Variants in RPS6KA5 observed in about 807,000 individuals in gnomAD.
The protein encoded by RPS6KA5 is ribosomal protein S6 kinase alpha-5.
In RPS6KA5, 27 loss-of-function variants were observed where a neutral mutation model predicts 85.5. The ratio of observed to expected loss-of-function variants is 0.32; its 90% CI spans 0.23 to 0.44. The LOEUF is 0.44. RPS6KA5 is among the 20% of genes least tolerant of loss of function. RPS6KA5 has a pLI of 1.00. For missense variants in RPS6KA5, 811 were observed against 980.9 expected (o/e 0.83, Z 2.31); for synonymous variants, 334 against 348.2 (o/e 0.96, Z 0.46).
chr14:90,955,479 A>AT (rs1199583589), intron 3 of RPS6KA5, among the ~76,000 whole-genome samples: 6 of 151,918 alleles, frequency 3.9e-5, no homozygotes, highest in African/African-American at 7.3e-5. Context: ...GTCAAAAAGT[A>AT]TTTTTTTATT....
chr14:91,011,455 C>T (rs2041255282), intron 1 of RPS6KA5, among the ~76,000 whole-genome samples: 1 of 151,898 alleles, frequency 6.6e-6, no homozygotes, highest in Admixed American at 6.6e-5. Context: ...CACTGCACTC[C>T]AGCTTGAAGA....
chr14:90,952,833 A>G (rs1188246451), intron 3 of RPS6KA5, among the ~76,000 whole-genome samples: 1 of 152,222 alleles, frequency 6.6e-6, no homozygotes, highest in East Asian at 1.9e-4. Context: ...TTAAAGAAAC[A>G]AATTTTTGAA....
chr14:91,044,737 GGCA>G (rs759355315), intron 1 of RPS6KA5, among the ~76,000 whole-genome samples: 9 of 152,098 alleles, frequency 5.9e-5, no homozygotes, highest in Non-Finnish European at 8.8e-5. Context: ...CAGGTGTGGT[GGCA>G]GGCACCTGTA....
intron 2 of RPS6KA5, among the ~76,000 whole-genome samples, chr14:90,984,958 G>C (rs866705375): frequency 7.8e-6 from 1 of 128,974 alleles, no homozygotes; most frequent in Non-Finnish European, 1.7e-5. Context: ...TTTTTTTTTT[G>C]AGACGGAGTT....
At chr14:91,035,310 G>GA (rs1240113055) in intron 1 of RPS6KA5, among the ~76,000 whole-genome samples, 1 of 152,080 alleles carries the variant, frequency 6.6e-6, no homozygotes, top group East Asian at 1.9e-4. Context: ...ACCTGTCATA[G>GA]AAAAATAGAC....
intron 1 of RPS6KA5, among the ~76,000 whole-genome samples, chr14:91,044,757 G>A (rs2042799236): frequency 6.6e-6 from 1 of 151,736 alleles, no homozygotes; most frequent in South Asian, 2.1e-4. Context: ...TGTAATCCCA[G>A]CTACTCGGGA....
intron 16 of RPS6KA5, 43 bp from the exon 17 acceptor site, chr14:90,872,365 C>T: frequency 1.9e-6 from 3 of 1,558,206 alleles, no homozygotes; most frequent in Non-Finnish European, 2.6e-6. Flanking sequence ...GGTAAAAGTA[C>T]TGAAGCTTTC....
At position 90,902,964 on chromosome 14, in the gene RPS6KA5, T is replaced by A. The variant is rs753979562; in HGVS notation, c.963A>T (p.Ile321=). The A allele has an allele frequency of 1.2e-6, 2 of 1,610,370 alleles. No homozygotes were observed. The highest frequency in any genetic ancestry group is 2.2e-5 in the South Asian group (2 of 90,400). Residue 321 remains isoleucine (I), a synonymous_variant, in exon 9 of 17, where the codon ATA becomes ATT. Transcript: ENST00000614987. ...EIKEHLFFQK[I]NWDDLAAKKV... ...TTTTGGCGGCTAAATCATCCCAATT[T>A]ATTTTCTAAAACAAAGAAAGTTGGT...
intron 1 of RPS6KA5, among the ~76,000 whole-genome samples, chr14:91,011,235 C>A (rs1481383759): frequency 1.3e-5 from 2 of 152,110 alleles, no homozygotes; most frequent in South Asian, 2.1e-4. Context: ...TGCCTGTAAT[C>A]CAAGCACTTT....
intron 3 of RPS6KA5, among the ~76,000 whole-genome samples, chr14:90,972,032 A>T (rs1446066512): frequency 6.6e-6 from 1 of 152,230 alleles, no homozygotes; most frequent in Non-Finnish European, 1.5e-5. Flanking sequence ...GCAACAGATG[A>T]CAGAATATCT....
At chr14:90,949,806 T>C (rs369501234) in intron 3 of RPS6KA5, among the ~76,000 whole-genome samples, 1 of 152,232 alleles carries the variant, frequency 6.6e-6, no homozygotes, top group Non-Finnish European at 1.5e-5. Flanking sequence ...CAAAGTGCTT[T>C]ATTTTCCATT....
Position 90,956,668 on chromosome 14 carries a change from CT to C in RPS6KA5, c.395-9119del, listed in dbSNP as rs554895376. 3.6e-4 allele frequency among the ~76,000 whole-genome samples: 52 copies of C among 144,760 alleles called. No individual in the cohort carries two copies. In the East Asian group the frequency reaches 3.8e-3, roughly 10 times the overall value. 95.0% of individuals were successfully genotyped at this position (144,760 alleles called of 152,430 possible). On this transcript the variant is annotated intron_variant, in intron 3 of 16. Coordinates refer to ENST00000614987, the MANE Select transcript of RPS6KA5 (RefSeq NM_004755.4). ...ATTCCTTTAATACTTTCTCATTTTA[CT>C]TTTTTTTTTTACTTATTTTCTTAGT... is the stretch of plus-strand genomic sequence containing the variant.
chr14:90,984,255 C>G (rs2039965835), intron 2 of RPS6KA5, among the ~76,000 whole-genome samples: 1 of 152,178 alleles, frequency 6.6e-6, no homozygotes, highest in African/African-American at 2.4e-5. Flanking sequence ...ATTCTAAGAA[C>G]AAATGACAGG....
At chr14:90,911,575 T>C (rs547575050) in intron 7 of RPS6KA5, 1 of 152,306 alleles carries the variant, frequency 6.6e-6, no homozygotes, top group East Asian at 1.9e-4. Context: ...TCTACATTTT[T>C]GTCCAACACT....
chr14:91,042,476 A>G (rs1241869274), intron 1 of RPS6KA5, among the ~76,000 whole-genome samples: 1 of 152,006 alleles, frequency 6.6e-6, no homozygotes, highest in African/African-American at 2.4e-5. Context: ...GCACCACCGC[A>G]CTCCAGCCTG....
Position 90,859,367 on chromosome 14 carries a change from T to G in RPS6KA5, c.*12707A>C, listed in dbSNP as rs2032431579. 6.6e-6 allele frequency: 1 copy of G among 152,160 alleles called. No individual in the cohort carries two copies. Among genetic ancestry groups the G allele is most frequent in the African/African-American group, 2.4e-5 (1 of 41,446 alleles). The allele number at this position is 152,160 out of a possible 1,614,324, so 9.4% of individuals were successfully genotyped here. A position where few individuals can be genotyped will look rare whatever the true frequency, so the allele number is the denominator to read the frequency against. ...ATGCTAAAAAACAGCACCAAATGAC[T>G]GACAACAGACAATGGAAACAAACAA... is the stretch of plus-strand genomic sequence containing the variant. On this transcript the variant is annotated 3_prime_UTR_variant, in exon 17 of 17. Coordinates refer to ENST00000614987, the MANE Select transcript of RPS6KA5 (RefSeq NM_004755.4).
At chr14:91,046,120 A>G (rs145909093) in intron 1 of RPS6KA5, among the ~76,000 whole-genome samples, 136 of 152,284 alleles carry the variant, frequency 8.9e-4, no homozygotes, top group Non-Finnish European at 1.6e-3. Flanking sequence ...GTTCATCATA[A>G]TCGCAATCAT....
chr14:90,964,497 G>A (rs2038960120), intron 3 of RPS6KA5, among the ~76,000 whole-genome samples: 1 of 152,132 alleles, frequency 6.6e-6, no homozygotes, highest in Non-Finnish European at 1.5e-5. Context: ...GGATTTTCTG[G>A]CCTACAGACA....
At chr14:90,929,142 C>G (rs778190042) in intron 5 of RPS6KA5, among the ~76,000 whole-genome samples, 36 of 151,974 alleles carry the variant, frequency 2.4e-4, no homozygotes, top group Non-Finnish European at 4.4e-4. Flanking sequence ...TATAATTTAT[C>G]TACCAAAAAC....
Sources: gnomAD v4.1 joint callset for allele counts (sites outside exome capture counted in the v4.1 genomes callset) on GRCh38, gnomAD v4.1.1 for gene constraint, MANE v1.5 for transcripts, NCBI Gene and HGNC (gene_info 2026-07-23, HGNC 2026-07-21) for gene names.